Variants in INPP4B observed in about 807,000 individuals in gnomAD.
INPP4B encodes inositol polyphosphate 4-phosphatase type II.
In INPP4B, 55 loss-of-function variants were observed where a neutral mutation model predicts 122.5. The ratio of observed to expected loss-of-function variants is 0.45; its 90% CI spans 0.36 to 0.56. INPP4B has a LOEUF of 0.56. INPP4B is among the 20% of genes least tolerant of loss of function. The pLI is 0.00. For synonymous variants in INPP4B, 403 were observed against 388.7 expected (o/e 1.04, Z -0.43); for missense variants, 1,000 against 1,097.7 (o/e 0.91, Z 1.26).
intron 2 of INPP4B, among the ~76,000 whole-genome samples, chr4:142,484,628 G>A (rs1035741858): frequency 7.2e-5 from 11 of 152,000 alleles, no homozygotes; most frequent in African/African-American, 2.2e-4. Context: ...AAGTACATAG[G>A]TACATGTACA....
At chr4:142,461,200 T>A (rs891414500) in intron 3 of INPP4B, among the ~76,000 whole-genome samples, 3 of 152,170 alleles carry the variant, frequency 2.0e-5, no homozygotes, top group Non-Finnish European at 4.4e-5. Flanking sequence ...AACATAGCTA[T>A]TTCTTAGAGA....
intron 1 of INPP4B, among the ~76,000 whole-genome samples, chr4:142,770,608 C>G (rs1045046669): frequency 9.2e-5 from 14 of 152,028 alleles, no homozygotes; most frequent in African/African-American, 2.9e-4. Flanking sequence ...TAGGCCTCAT[C>G]AATTCCCCAA....
At chr4:142,380,923 G>A (rs1211320756) in intron 7 of INPP4B, among the ~76,000 whole-genome samples, 1 of 152,038 alleles carries the variant, frequency 6.6e-6, no homozygotes, top group Non-Finnish European at 1.5e-5. Flanking sequence ...TGCTTTTAGA[G>A]CTCCAATTTA....
At chr4:142,364,918 T>G (rs1786874777) in intron 7 of INPP4B, among the ~76,000 whole-genome samples, 1 of 152,178 alleles carries the variant, frequency 6.6e-6, no homozygotes, top group Admixed American at 6.6e-5. Flanking sequence ...CTTTTCCCTT[T>G]TCTTTCTCCC....
chr4:142,433,069 A>T (rs2149385498), intron 3 of INPP4B, among the ~76,000 whole-genome samples: 1 of 152,282 alleles, frequency 6.6e-6, no homozygotes, highest in African/African-American at 2.4e-5. Context: ...GAAGTTAAAT[A>T]TACAAAACAA....
intron 7 of INPP4B, among the ~76,000 whole-genome samples, chr4:142,348,302 ATGCAG>A (rs2151776476): frequency 6.6e-6 from 1 of 152,186 alleles, no homozygotes; most frequent in East Asian, 1.9e-4. Flanking sequence ...GGAGATAAAA[ATGCAG>A]TGACCTTTGC....
intron 15 of INPP4B, among the ~76,000 whole-genome samples, chr4:142,179,427 C>A (rs1010030634): frequency 6.8e-6 from 1 of 146,064 alleles, no homozygotes; most frequent in African/African-American, 2.5e-5. Context: ...GAGCCAAGAT[C>A]GCCCCACTGC....
chr4:142,471,822 A>T (rs1339135503), intron 2 of INPP4B, among the ~76,000 whole-genome samples: 1 of 152,052 alleles, frequency 6.6e-6, no homozygotes, highest in Non-Finnish European at 1.5e-5. Flanking sequence ...TTAGGATTTT[A>T]GTGGATCCTA....
At chr4:142,055,899 A>G (rs1490080286) in intron 25 of INPP4B, among the ~76,000 whole-genome samples, 1 of 151,946 alleles carries the variant, frequency 6.6e-6, no homozygotes, top group Admixed American at 6.6e-5. Context: ...GATATATAAT[A>G]AAATAATTAT....
intron 2 of INPP4B, among the ~76,000 whole-genome samples, chr4:142,614,739 G>T (rs1268984246): frequency 2.6e-5 from 4 of 151,968 alleles, no homozygotes; most frequent in Admixed American, 2.6e-4. Context: ...GACATGAACA[G>T]ACATTTTTTC....
At chr4:142,547,378 T>C (rs962509229) in intron 2 of INPP4B, among the ~76,000 whole-genome samples, 3 of 152,154 alleles carry the variant, frequency 2.0e-5, no homozygotes, top group African/African-American at 7.2e-5. Flanking sequence ...ACAGATTTAA[T>C]GAAGGATCCT....
intron 9 of INPP4B, among the ~76,000 whole-genome samples, chr4:142,290,150 A>T: frequency 7.0e-6 from 1 of 142,460 alleles, no homozygotes; most frequent in Non-Finnish European, 1.5e-5. Context: ...TTTCATTTCT[A>T]TACCACCTGG....
In INPP4B at chr4:142,706,229, G is replaced by T. The variant is rs558562557; in HGVS notation, c.-191+19610C>A. ...CTAAGCCCTCGAGGCCATTACCTTG[G>T]CTGTGAATACGCATAGCACCTTGGC... On this transcript the variant is annotated intron_variant, in intron 2 of 25. Coordinates refer to ENST00000262992, the MANE Select transcript of INPP4B (RefSeq NM_001101669.3). Among the ~76,000 whole-genome samples, 71 of 152,308 alleles carry T rather than the reference G, an allele frequency of 4.7e-4. 1 individual carries two copies. The highest frequency in any genetic ancestry group is 1.7e-3 in the African/African-American group (70 of 41,560).
intron 18 of INPP4B, among the ~76,000 whole-genome samples, chr4:142,138,140 T>C (rs1374160531): frequency 1.3e-5 from 2 of 151,430 alleles, no homozygotes; most frequent in East Asian, 1.9e-4. Flanking sequence ...CCAACCCAAA[T>C]GTCCAACAAT....
At chr4:142,342,290 G>GA (rs1440907828) in intron 7 of INPP4B, among the ~76,000 whole-genome samples, 1 of 151,958 alleles carries the variant, frequency 6.6e-6, no homozygotes, top group Non-Finnish European at 1.5e-5. Flanking sequence ...AATTGCCTCA[G>GA]AAAAAAGTGA....
chr4:142,100,308 A>G (rs1321597121), intron 23 of INPP4B, among the ~76,000 whole-genome samples: 2 of 152,050 alleles, frequency 1.3e-5, no homozygotes, highest in Non-Finnish European at 2.9e-5. Flanking sequence ...GGAAGTGGTT[A>G]TATCTTTTCT....
intron 2 of INPP4B, among the ~76,000 whole-genome samples, chr4:142,713,582 G>T (rs1763379037): frequency 6.6e-6 from 1 of 152,192 alleles, no homozygotes; most frequent in Non-Finnish European, 1.5e-5. Context: ...TTCTCTGAAA[G>T]TCACACAGCG....
chr4:142,161,644 A>G (rs1579123267), intron 16 of INPP4B, among the ~76,000 whole-genome samples: 1 of 151,934 alleles, frequency 6.6e-6, no homozygotes, highest in East Asian at 1.9e-4. Context: ...ACTAGTAGTC[A>G]CTAAATTATT....
intron 12 of INPP4B, among the ~76,000 whole-genome samples, chr4:142,233,477 C>T (rs1027927097): frequency 6.6e-6 from 1 of 152,074 alleles, no homozygotes; most frequent in Non-Finnish European, 1.5e-5. Context: ...AGTGGTTCTT[C>T]CAGTTTGGAT....
Sources: allele counts gnomAD v4.1 joint callset (sites outside exome capture counted in the v4.1 genomes callset), GRCh38; gene constraint gnomAD v4.1.1; transcripts MANE v1.5; gene names NCBI Gene and HGNC (gene_info 2026-07-23, HGNC 2026-07-21).